Variants in HS6ST2 observed in about 807,000 individuals in gnomAD.
The protein encoded by HS6ST2 is heparan-sulfate 6-O-sulfotransferase 2.
In HS6ST2, 17 loss-of-function variants were observed where a neutral mutation model predicts 33.0. The ratio of observed to expected loss-of-function variants is 0.52; its 90% CI spans 0.35 to 0.77. HS6ST2 has a LOEUF of 0.77. Among genes scored for constraint, HS6ST2 ranks in the 30% least tolerant of loss-of-function variants. The pLI is 0.01. For missense variants in HS6ST2, 519 were observed against 551.7 expected (o/e 0.94, Z 0.59); for synonymous variants, 248 against 237.1 (o/e 1.05, Z -0.42).
At chrX:132,755,657 T>C (rs980290229) in intron 2 of HS6ST2, among the ~76,000 whole-genome samples, 3 of 111,062 alleles carry the variant, frequency 2.7e-5, no homozygotes, top group African/African-American at 9.8e-5. Flanking sequence ...AAAATTTTGA[T>C]ATTTGTTCAT....
intron 2 of HS6ST2, among the ~76,000 whole-genome samples, chrX:132,781,818 A>G (rs1359832514): frequency 1.8e-5 from 2 of 111,988 alleles, no homozygotes; most frequent in Non-Finnish European, 3.8e-5. Context: ...AATTGCCCCC[A>G]TGATTCAATC....
chrX:132,927,398 T>TA (rs2066720179), intron 2 of HS6ST2, among the ~76,000 whole-genome samples: 1 of 111,534 alleles, frequency 9.0e-6, no homozygotes, highest in Non-Finnish European at 1.9e-5. Context: ...CTCCTCTACT[T>TA]AAAAAGTCCC....
chrX:132,958,188 C>G lies in HS6ST2; in HGVS notation c.415G>C (p.Gly139Arg), dbSNP rs1339017570. Residue 139 changes from glycine (G) to arginine (R), a missense_variant, in exon 1 of 5, where the codon GGC becomes CGC. Physicochemically the swap from Gly to Arg is moderately radical, Grantham distance 125 (BLOSUM62 -2). Transcript: ENST00000370833. Reference sequence around the variant, plus strand: ...CCTAGAACGTACCTGGCCATGGGGCCGAAAATCTTGGAGAAGATCGCACCG... The same window carrying G: ...CCTAGAACGTACCTGGCCATGGGGCGGAAAATCTTGGAGAAGATCGCACCG... ...VLGAIFSKIF[G>R]PMASVGNMDE... The G allele has an allele frequency of 1.7e-6, 2 of 1,146,902 alleles. No individual in the cohort carries two copies. The highest frequency in any genetic ancestry group is 2.5e-4 in the Middle Eastern group (1 of 3,976). The allele number at this position is 1,146,902 out of a possible 1,213,427, so 94.5% of individuals were successfully genotyped here.
At chrX:132,780,825 A>T (rs181986786) in intron 2 of HS6ST2, among the ~76,000 whole-genome samples, 2 of 112,001 alleles carry the variant, frequency 1.8e-5, no homozygotes, top group African/African-American at 3.2e-5. Context: ...CAGCCTCAAG[A>T]TGACTGGAAA....
In HS6ST2 at chrX:132,628,032, A is replaced by G. The variant is rs1275829316; in HGVS notation, c.*191T>C. Reference sequence around the variant, plus strand: ...CCCCAAAAAGACAATTTAATTCCATATTGAGATTTGTTTTACCTACACACA... The same window carrying G: ...CCCCAAAAAGACAATTTAATTCCATGTTGAGATTTGTTTTACCTACACACA... On this transcript the variant is annotated 3_prime_UTR_variant, in exon 5 of 5. Coordinates refer to ENST00000370833, the MANE Select transcript of HS6ST2 (RefSeq NM_001394073.1). 3.0e-6 allele frequency: 1 copy of G among 328,072 alleles called. No individual in the cohort carries two copies. The highest frequency in any genetic ancestry group is 5.3e-6 in the Non-Finnish European group (1 of 189,281). The allele number at this position is 328,072 out of a possible 1,213,427, so 27.0% of individuals were successfully genotyped here.
At chrX:132,851,733 A>T (rs1409535426) in intron 2 of HS6ST2, among the ~76,000 whole-genome samples, 1 of 112,040 alleles carries the variant, frequency 8.9e-6, no homozygotes, top group Non-Finnish European at 1.9e-5. Context: ...ATATTACAGT[A>T]GATTGTGGCC....
chrX:132,709,842 A>ACACACAC (rs1192149253), intron 2 of HS6ST2, among the ~76,000 whole-genome samples: 1 of 10,199 alleles, frequency 9.8e-5, no homozygotes, highest in African/African-American at 3.9e-4. Flanking sequence ...CACACACACA[A>ACACACAC]GAAAATATTT....
chrX:132,890,699 T>G (rs767416330), intron 2 of HS6ST2, among the ~76,000 whole-genome samples: 19 of 110,771 alleles, frequency 1.7e-4, no homozygotes, highest in Non-Finnish European at 3.2e-4. Flanking sequence ...CCTAGGTAAG[T>G]AACGATGAGC....
At chrX:132,939,588 G>A (rs2066865725) in intron 2 of HS6ST2, among the ~76,000 whole-genome samples, 1 of 111,074 alleles carries the variant, frequency 9.0e-6, no homozygotes, top group South Asian at 3.9e-4. Context: ...TTGCACCACC[G>A]CACTCCAGCC....
At chrX:132,775,382 C>T (rs914855113) in intron 2 of HS6ST2, among the ~76,000 whole-genome samples, 1 of 111,285 alleles carries the variant, frequency 9.0e-6, no homozygotes, top group Non-Finnish European at 1.9e-5. Flanking sequence ...TTGAGGTCAG[C>T]GATCATATGG....
intron 2 of HS6ST2, among the ~76,000 whole-genome samples, chrX:132,786,604 T>C (rs1186137359): frequency 9.8e-6 from 1 of 102,435 alleles, no homozygotes; most frequent in Non-Finnish European, 2.0e-5. Flanking sequence ...TCTCTTTGCT[T>C]CCTGTCTTTG....
chrX:132,897,029 A>G (rs929417987), intron 2 of HS6ST2, among the ~76,000 whole-genome samples: 1 of 111,897 alleles, frequency 8.9e-6, no homozygotes, highest in African/African-American at 3.2e-5. Context: ...AGAGCCAACT[A>G]AGTCTTGAGC....
At chrX:132,719,422 C>CA (rs2064308445) in intron 2 of HS6ST2, among the ~76,000 whole-genome samples, 1 of 111,843 alleles carries the variant, frequency 8.9e-6, no homozygotes, top group Non-Finnish European at 1.9e-5. Context: ...AGTTGAGAGC[C>CA]AGTGGCGGAG....
intron 2 of HS6ST2, among the ~76,000 whole-genome samples, chrX:132,955,994 A>G (rs1408426359): frequency 9.0e-6 from 1 of 111,583 alleles, no homozygotes; most frequent in East Asian, 2.9e-4. Context: ...CCAGGGCACC[A>G]TCCCAGCCCG....
chrX:132,718,647 C>T (rs2064299708), intron 2 of HS6ST2, among the ~76,000 whole-genome samples: 1 of 110,847 alleles, frequency 9.0e-6, no homozygotes, highest in Admixed American at 9.5e-5. Flanking sequence ...CTTTAGGCCT[C>T]TCATGGGACT....
chrX:132,795,426 C>G (rs1294164270), intron 2 of HS6ST2, among the ~76,000 whole-genome samples: 1 of 111,561 alleles, frequency 9.0e-6, no homozygotes, highest in Non-Finnish European at 1.9e-5. Context: ...GTGACAGATT[C>G]CTGTGTGGCC....
intron 4 of HS6ST2, among the ~76,000 whole-genome samples, chrX:132,663,525 C>T (rs2063788475): frequency 9.0e-6 from 1 of 111,593 alleles, no homozygotes; most frequent in Admixed American, 9.5e-5. Flanking sequence ...TCTTTTTCTA[C>T]AAAGGTGCAA....
intron 2 of HS6ST2, among the ~76,000 whole-genome samples, chrX:132,894,486 T>C (rs1326141373): frequency 6.6e-5 from 7 of 105,461 alleles, no homozygotes; most frequent in Non-Finnish European, 1.2e-4. Flanking sequence ...TTATGTTATG[T>C]TATGTTATGT....
At chrX:132,679,403 G>A (rs1027540751) in intron 3 of HS6ST2, among the ~76,000 whole-genome samples, 1 of 111,574 alleles carries the variant, frequency 9.0e-6, no homozygotes, top group Non-Finnish European at 1.9e-5. Flanking sequence ...CCCACAAGCC[G>A]CAAAACCAGC....
Sources: allele counts gnomAD v4.1 joint callset (sites outside exome capture counted in the v4.1 genomes callset), GRCh38; gene constraint gnomAD v4.1.1; transcripts MANE v1.5; gene names NCBI Gene and HGNC (gene_info 2026-07-23, HGNC 2026-07-21).